Variants in IFT43 observed in about 807,000 individuals in gnomAD.
The protein encoded by IFT43 is intraflagellar transport protein 43 homolog.
IFT43 carries 33 observed loss-of-function variants against 32.3 expected under a neutral mutation model. That is an observed-to-expected ratio of 1.02 (90% CI 0.77 to 1.37). The LOEUF is 1.37. Ranked by LOEUF, IFT43 falls within the 40% of genes most tolerant of loss-of-function variation. The probability of loss-of-function intolerance (pLI) is 0.00; values close to 1 mark genes in which losing one functional copy is unlikely to be tolerated. For missense variants in IFT43, 274 were observed against 265.9 expected (o/e 1.03, Z -0.21); for synonymous variants, 93 against 98.2 (o/e 0.95, Z 0.31).
At position 76,083,305 on chromosome 14, in the gene IFT43, C is replaced by G. The variant is rs1169213462; in HGVS notation, c.507+16C>G. On this transcript the variant is annotated intron_variant, in intron 8 of 8. Transcript: ENST00000314067. ...AGTCCGGGAGGTACAGTGGTGGCAG[C>G]AATTCCCCGGTCTCTCAGCTCTGGC... is the stretch of plus-strand genomic sequence containing the variant. 1.9e-6 allele frequency: 3 copies of G among 1,611,066 alleles called. No individual in the cohort carries two copies. The African/African-American group carries it at 4.0e-5, about 22-fold the overall frequency.
intron 5 of IFT43, among the ~76,000 whole-genome samples, chr14:76,067,701 G>A (rs1318609136): frequency 6.6e-6 from 1 of 152,100 alleles, no homozygotes; most frequent in Non-Finnish European, 1.5e-5. Flanking sequence ...GTACTATATG[G>A]GAACTATTTA....
chr14:76,017,074 G>A (rs1434491275), intron 2 of IFT43, among the ~76,000 whole-genome samples: 1 of 152,038 alleles, frequency 6.6e-6, no homozygotes, highest in Non-Finnish European at 1.5e-5. Flanking sequence ...GAACTTCCAG[G>A]ACTATGTTAA....
intron 4 of IFT43, 45 bp downstream of exon 4, chr14:76,058,719 T>C (rs868377488): frequency 1.9e-6 from 3 of 1,610,320 alleles, no homozygotes; most frequent in Non-Finnish European, 2.5e-6. Flanking sequence ...TATGTTGATC[T>C]TGGTCAACAG....
chr14:76,028,492 G>A (rs147649867), intron 3 of IFT43, among the ~76,000 whole-genome samples: 2 of 152,230 alleles, frequency 1.3e-5, no homozygotes, highest in Admixed American at 1.3e-4. Flanking sequence ...TTAGATTCAG[G>A]AGATATATGC....
At position 76,072,269 on chromosome 14, in the gene IFT43, C is replaced by A. The variant is rs929172114; in HGVS notation, c.296-10026C>A. On this transcript the variant is annotated intron_variant, in intron 5 of 8. Transcript: ENST00000314067. Reference sequence around the variant, plus strand: ...CTATTTTAGGGCTGGAGGAGTTTCACTGGGCTTGTACAGATTGCAGTGTGA... The same window carrying A: ...CTATTTTAGGGCTGGAGGAGTTTCAATGGGCTTGTACAGATTGCAGTGTGA... 2.0e-5 allele frequency among the ~76,000 whole-genome samples: 3 copies of A among 152,158 alleles called. No individual in the cohort carries two copies. In the South Asian group the frequency reaches 6.2e-4, roughly 32 times the overall value.
chr14:76,027,673 C>A (rs944300134), intron 3 of IFT43, among the ~76,000 whole-genome samples: 2 of 147,202 alleles, frequency 1.4e-5, no homozygotes, highest in Non-Finnish European at 3.0e-5. Context: ...TGTGCCACTG[C>A]GCTCCAGCCT....
chr14:76,083,148 T>C, intron 7 of IFT43, 79 bp from the exon 8 acceptor site: 1 of 1,519,058 alleles, frequency 6.6e-7, no homozygotes, highest in Middle Eastern at 1.7e-4. Flanking sequence ...ACACAAAAAC[T>C]GATCCCGGTT....
At position 76,046,447 on chromosome 14, in the gene IFT43, G is replaced by T. The variant is rs889882031; in HGVS notation, c.216-12195G>T. ...ATATGTGCAAGCAGGGGAAGTGGTG[G>T]GTCCCCAGAAGCAAAAAGTATGTAG... On this transcript the variant is annotated intron_variant, in intron 3 of 8. Coordinates refer to ENST00000314067, the MANE Select transcript of IFT43 (RefSeq NM_001102564.3). Among the ~76,000 whole-genome samples the T allele has an allele frequency of 3.3e-5, 5 of 152,146 alleles. No individual in the cohort carries two copies. In the East Asian group the frequency reaches 9.7e-4, roughly 29 times the overall value.
intron 2 of IFT43, among the ~76,000 whole-genome samples, chr14:76,019,341 GAAT>G (rs2036248087): frequency 6.6e-6 from 1 of 150,594 alleles, no homozygotes; most frequent in Non-Finnish European, 1.5e-5. Flanking sequence ...CTTCATTTTT[GAAT>G]AATAGCTTTG....
intron 5 of IFT43, among the ~76,000 whole-genome samples, chr14:76,077,317 T>G (rs1861922): frequency 6.6e-6 from 1 of 152,032 alleles, no homozygotes. Context: ...TATTTGTTCT[T>G]GTGAAATGAA....
At chr14:76,025,959 T>C (rs1251470499) in intron 3 of IFT43, among the ~76,000 whole-genome samples, 4 of 152,132 alleles carry the variant, frequency 2.6e-5, no homozygotes, top group African/African-American at 9.7e-5. Flanking sequence ...GGGATCTAAT[T>C]AAAGTAAAGC....
At chr14:76,017,661 T>C (rs1004044061) in intron 2 of IFT43, among the ~76,000 whole-genome samples, 1 of 152,130 alleles carries the variant, frequency 6.6e-6, no homozygotes, top group Non-Finnish European at 1.5e-5. Context: ...TAGAATTCAA[T>C]AGTAAAGCTA....
At chr14:76,018,982 G>A (rs1221419425) in intron 2 of IFT43, among the ~76,000 whole-genome samples, 1 of 152,020 alleles carries the variant, frequency 6.6e-6, no homozygotes, top group Non-Finnish European at 1.5e-5. Flanking sequence ...GTTTAGTGAG[G>A]AGTTTAATCC....
At chr14:76,079,122 G>A (rs1477098468) in intron 5 of IFT43, among the ~76,000 whole-genome samples, 1 of 152,220 alleles carries the variant, frequency 6.6e-6, no homozygotes, top group Non-Finnish European at 1.5e-5. Flanking sequence ...CGTCTTTGAA[G>A]GCATTTCACT....
At chr14:76,010,904 C>T (rs866554667) in intron 2 of IFT43, among the ~76,000 whole-genome samples, 4,016 of 139,952 alleles carry the variant, frequency 0.029, 166 homozygotes, top group African/African-American at 0.086. Flanking sequence ...CTCACTTCTC[C>T]TTTTTTTTTT....
In IFT43 at chr14:76,083,139, C is replaced by T. The variant is rs532631279; in HGVS notation, c.445-88C>T. 89 of 1,461,606 alleles carry T rather than the reference C, an allele frequency of 6.1e-5. No homozygotes were observed. The African/African-American group carries it at 1.1e-3, about 18-fold the overall frequency. 90.5% of individuals were successfully genotyped at this position (1,461,606 alleles called of 1,614,324 possible). ...GGTCTCAGTTTGGGAAGTTCTGACA[C>T]ACAAAAACTGATCCCGGTTTTGTGA... On this transcript the variant is annotated intron_variant, in intron 7 of 8. Coordinates refer to ENST00000314067, the MANE Select transcript of IFT43 (RefSeq NM_001102564.3).
downstream of IFT43, chr14:76,083,895 T>C: frequency 2.0e-6 from 1 of 508,064 alleles, no homozygotes; most frequent in South Asian, 1.5e-5. Flanking sequence ...TGGGCACTCC[T>C]ACTGAAAGCT....
chr14:75,999,434 T>C (rs2035842173), intron 2 of IFT43, among the ~76,000 whole-genome samples: 1 of 150,724 alleles, frequency 6.6e-6, no homozygotes, highest in African/African-American at 2.4e-5. Flanking sequence ...GGCACATTTA[T>C]ATATATTTTT....
chr14:75,999,427 A>G (rs562364662), intron 2 of IFT43, among the ~76,000 whole-genome samples: 2 of 150,158 alleles, frequency 1.3e-5, no homozygotes, highest in East Asian at 3.9e-4. Context: ...CACACCTGGC[A>G]CATTTATATA....
Sources: allele counts gnomAD v4.1 joint callset (sites outside exome capture counted in the v4.1 genomes callset), GRCh38; gene constraint gnomAD v4.1.1; transcripts MANE v1.5; gene names NCBI Gene and HGNC (gene_info 2026-07-23, HGNC 2026-07-21).